ACSL6: variants seen among roughly 807,000 people sequenced by gnomAD.
The protein encoded by ACSL6 is acyl-CoA synthetase long chain family member 6, also known as long-chain-fatty-acid--CoA ligase 6.
In ACSL6, 47 loss-of-function variants were observed where a neutral mutation model predicts 98.2. That is an observed-to-expected ratio of 0.48 (90% CI 0.38 to 0.61). The LOEUF (loss-of-function observed/expected upper bound fraction) is 0.61. Among genes scored for constraint, ACSL6 ranks in the 20% least tolerant of loss-of-function variants. The probability of loss-of-function intolerance (pLI) is 0.00; values close to 1 mark genes in which losing one functional copy is unlikely to be tolerated. For missense variants in ACSL6, 761 were observed against 913.4 expected, an observed-to-expected ratio of 0.83 and a Z score of 2.15; for synonymous variants, 362 against 336.9, an observed-to-expected ratio of 1.07 and a Z score of -0.82.
Position 131,951,338 on chromosome 5 carries a change from T to C in ACSL6, c.*2896A>G, listed in dbSNP as rs1752148703. ...TCCTCCAGAATAAAGTTGGGAAATC[T>C]GAAGCAAGAAGGATTTTTCCACTGA... On this transcript the variant is annotated 3_prime_UTR_variant, in exon 21 of 21. Coordinates refer to ENST00000651883, the MANE Select transcript of ACSL6 (RefSeq NM_001009185.3). The C allele has an allele frequency of 5.0e-6, 1 of 201,828 alleles. No homozygotes were observed. Among genetic ancestry groups the C allele is most frequent in the Non-Finnish European group, 1.0e-5 (1 of 98,130 alleles). 12.5% of individuals were successfully genotyped at this position (201,828 alleles called of 1,614,324 possible).
At chr5:131,969,648 C>T (rs2149711874) in intron 15 of ACSL6, among the ~76,000 whole-genome samples, 1 of 152,236 alleles carries the variant, frequency 6.6e-6, no homozygotes, top group Non-Finnish European at 1.5e-5. Context: ...AGGAAGCAGG[C>T]TATGAATTGG....
chr5:131,981,077 C>G (rs2126859062), intron 9 of ACSL6, among the ~76,000 whole-genome samples: 1 of 152,186 alleles, frequency 6.6e-6, no homozygotes, highest in South Asian at 2.1e-4. Flanking sequence ...CTTCTCTTAC[C>G]CCTTCCTTCC....
intron 1 of ACSL6, among the ~76,000 whole-genome samples, chr5:132,003,247 T>G (rs1755190596): frequency 6.6e-6 from 1 of 152,208 alleles, no homozygotes; most frequent in African/African-American, 2.4e-5. Flanking sequence ...AAGGCTGTGC[T>G]GGTCAACGGG....
At chr5:131,969,975 C>G (rs888335699) in intron 15 of ACSL6, among the ~76,000 whole-genome samples, 153 bp downstream of exon 15, 1 of 152,278 alleles carries the variant, frequency 6.6e-6, no homozygotes, top group African/African-American at 2.4e-5. Context: ...ATGCCACAAC[C>G]CAGACATAAC....
rs547794601 is a variant in ACSL6, at chr5:131,952,642, A to G, written c.*1592T>C. ...GGTCCATGCCTTTTTCAGAGGCACA[A>G]TCTATAGCTTGGAACTTAATTGCTG... On this transcript the variant is annotated 3_prime_UTR_variant, in exon 21 of 21. Transcript: ENST00000651883. 3 of 213,220 alleles carry G rather than the reference A, an allele frequency of 1.4e-5. No homozygotes were observed. The highest frequency in any genetic ancestry group is 3.7e-4 in the South Asian group (2 of 5,356). 13.2% of individuals were successfully genotyped at this position (213,220 alleles called of 1,614,324 possible).
At chr5:131,976,143 G>T (rs1753599715) in intron 10 of ACSL6, 1 of 985,308 alleles carries the variant, frequency 1.0e-6, no homozygotes, top group African/African-American at 1.7e-5. Flanking sequence ...ACATGCTTTG[G>T]TCAGGCCAAG....
chr5:131,994,170 C>G lies in ACSL6; in HGVS notation c.131G>C (p.Gly44Ala). The change falls in exon 2 of 21, where the codon GGA (glycine) becomes GCA (alanine). Residue 44 changes from glycine (G) to alanine (A), a missense_variant. Coordinates refer to ENST00000651883, the MANE Select transcript of ACSL6 (RefSeq NM_001009185.3). ...ILRLPELGDL[G>A]QFFRSLSATT... ...GGCCGAGAGGCTGCGGAAAAACTGT[C>G]CCAAGTCACCTAGCTCAGGCAGTCG... 1.2e-6 allele frequency: 2 copies of G among 1,614,198 alleles called. No individual in the cohort carries two copies. The highest frequency in any genetic ancestry group is 2.7e-5 in the African/African-American group (2 of 75,048).
chr5:131,954,115 TCA>T lies in ACSL6; in HGVS notation c.*117_*118del. ...AAGACCTCTTGGGACAGGAAAAGGC[TCA>T]GTCATAAAATCAGATGCTTATTCAT... is the stretch of plus-strand genomic sequence containing the variant. On this transcript the variant is annotated 3_prime_UTR_variant, in exon 21 of 21. Transcript: ENST00000651883. 9.5e-7 allele frequency: 1 copy of T among 1,049,314 alleles called. No individual in the cohort carries two copies. Among genetic ancestry groups the T allele is most frequent in the East Asian group, 2.9e-5 (1 of 34,522 alleles). 65.0% of individuals were successfully genotyped at this position (1,049,314 alleles called of 1,614,324 possible). A position where few individuals can be genotyped will look rare whatever the true frequency, so the allele number is the denominator to read the frequency against.
In ACSL6 at chr5:131,957,658, ATGTGTG is replaced by A. The variant is rs537304239; in HGVS notation, c.2031+1872_2031+1877del. On this transcript the variant is annotated intron_variant, in intron 20 of 20. Transcript: ENST00000651883. ...ACTTGAATTCGTTATTTCTGTGTGT[ATGTGTG>A]TGTTTAATTAGAGTTATGCCTTAAT... Among the ~76,000 whole-genome samples, 697 of 152,338 alleles carry A rather than the reference ATGTGTG, an allele frequency of 4.6e-3. 4 individuals carry two copies. The highest frequency in any genetic ancestry group is 0.016 in the African/African-American group (660 of 41,564).
At chr5:131,969,731 C>A (rs1248320955) in intron 15 of ACSL6, among the ~76,000 whole-genome samples, 1 of 152,098 alleles carries the variant, frequency 6.6e-6, no homozygotes, top group Non-Finnish European at 1.5e-5. Flanking sequence ...TTTAGAGGCC[C>A]TTTGAGAACT....
chr5:131,996,338 G>A (rs962125839), intron 1 of ACSL6, among the ~76,000 whole-genome samples: 1 of 152,228 alleles, frequency 6.6e-6, no homozygotes, highest in African/African-American at 2.4e-5. Context: ...TAGGTGACTA[G>A]CTGGCCTTCT....
chr5:131,988,174 T>C lies in ACSL6; in HGVS notation c.705A>G (p.Leu235=), dbSNP rs1561799647. The part of the protein sequence containing the change: ...VDKPQKAVLL[L]EHVERKETPG... ...GAGTCTCCTTCCTCTCCACATGCTC[T>C]AGCAGAAGCACAGCCTTCTGAGGTT... Residue 235 remains leucine (L), a synonymous_variant, in exon 7 of 21, where the codon CTA becomes CTG. Coordinates refer to ENST00000651883, the MANE Select transcript of ACSL6 (RefSeq NM_001009185.3). The C allele has an allele frequency of 6.2e-7, 1 of 1,614,200 alleles. No individual in the cohort carries two copies. The highest frequency in any genetic ancestry group is 8.5e-7 in the Non-Finnish European group (1 of 1,180,032).
chr5:131,988,968 G>A (rs986634915), intron 5 of ACSL6, 64 bp from the exon 6 acceptor site: 4 of 1,452,138 alleles, frequency 2.8e-6, no homozygotes, highest in Non-Finnish European at 3.9e-6. Flanking sequence ...CCTGCCCTTA[G>A]GCCTAGGTAA....
intron 1 of ACSL6, among the ~76,000 whole-genome samples, chr5:132,000,095 G>A (rs1043258743): frequency 5.9e-5 from 9 of 151,916 alleles, no homozygotes; most frequent in African/African-American, 2.2e-4. Context: ...CATCTACCCG[G>A]GAGATTCTGC....
chr5:131,985,571 G>A, intron 8 of ACSL6, 113 bp from the exon 9 acceptor site: 2 of 1,142,608 alleles, frequency 1.8e-6, no homozygotes, highest in Non-Finnish European at 2.6e-6. Context: ...ATGTGGGTGT[G>A]AGCATGTGTT....
Position 132,011,386 on chromosome 5 carries a change from G to A in ACSL6, c.49+119C>T. 1 of 1,129,850 alleles carries A rather than the reference G, an allele frequency of 8.9e-7. No individual in the cohort carries two copies. Among genetic ancestry groups the A allele is most frequent in the Non-Finnish European group, 1.3e-6 (1 of 759,806 alleles). The allele number at this position is 1,129,850 out of a possible 1,614,324, so 70.0% of individuals were successfully genotyped here. ...CGGCCCTGGGGACCTTGACGGGACA[G>A]CTCAGCAGCAGGGGATGGGGGCTCG... On this transcript the variant is annotated intron_variant, in intron 1 of 20. Transcript: ENST00000651883. The surrounding 1 kb of genome is among the most constrained non-coding windows in gnomAD (Gnocchi z 5.4).
At chr5:132,001,706 G>A (rs1323866321) in intron 1 of ACSL6, 1 of 152,242 alleles carries the variant, frequency 6.6e-6, no homozygotes, top group Non-Finnish European at 1.5e-5. Context: ...AGAGCCACCT[G>A]TTGCAACTAG....
chr5:131,970,320 T>C (rs954148847), intron 14 of ACSL6, 120 bp from the exon 15 acceptor site: 166 of 835,556 alleles, frequency 2.0e-4, no homozygotes, highest in South Asian at 1.0e-3. Context: ...ATCAGGGCGA[T>C]GGAGGGAGGG....
rs1753015812 is a variant in ACSL6 at position 131,966,407 on chromosome 5, C to T, written c.1713+9G>A. 6.2e-7 allele frequency: 1 copy of T among 1,613,962 alleles called. No individual in the cohort carries two copies. Among genetic ancestry groups the T allele is most frequent in the Non-Finnish European group, 8.5e-7 (1 of 1,179,938 alleles). ...ATGTTTGGAGCTCCGTGGTTCCAAA[C>T]ATACACACCGGCAGCCATTTTCCGA... is the stretch of plus-strand genomic sequence containing the variant. On this transcript the variant is annotated intron_variant, in intron 17 of 20. Coordinates refer to ENST00000651883, the MANE Select transcript of ACSL6 (RefSeq NM_001009185.3).
Sources: gnomAD v4.1 joint callset for allele counts (sites outside exome capture counted in the v4.1 genomes callset) on GRCh38, gnomAD v4.1.1 for gene constraint, Gnocchi (gnomAD v3.1) non-coding constraint, MANE v1.5 for transcripts, NCBI Gene and HGNC (gene_info 2026-07-23, HGNC 2026-07-21) for gene names.